FER: variants seen among roughly 807,000 people sequenced by gnomAD.
FER encodes the protein tyrosine-protein kinase Fer.
FER carries 63 observed loss-of-function variants against 111.0 expected under a neutral mutation model. That is an observed-to-expected ratio of 0.57 (90% CI 0.46 to 0.70). FER has a LOEUF of 0.70. Ranked by LOEUF, FER falls within the 30% of genes least tolerant of loss-of-function variation. The pLI, the probability that FER is intolerant of heterozygous loss-of-function variation, is 0.00. For synonymous variants in FER, 327 were observed against 313.9 expected (o/e 1.04, Z -0.44); for missense variants, 914 against 954.0 (o/e 0.96, Z 0.55).
Position 109,187,499 on chromosome 5 carries a change from A to T in FER, c.2393A>T (p.Asp798Val), listed in dbSNP as rs747711164. 10 of 1,614,072 alleles carry T rather than the reference A, an allele frequency of 6.2e-6. No individual in the cohort carries two copies. The highest frequency in any genetic ancestry group is 5.0e-5 in the Admixed American group (3 of 60,014). ...TCCAAAATCATGATGAAGTGTTGGG[A>T]TTATAAACCTGAAAATCGCCCTAAG... ...DISKIMMKCW[D>V]YKPENRPKFS... Residue 798 changes from aspartate to valine, a missense_variant, in exon 20 of 20, where the codon GAT (aspartate) becomes GTT (valine). Asp to Val is a radical substitution (Grantham distance 152). This residue lies in a region of FER where 134 missense variants were observed against 149.4 expected (regional missense o/e 0.90). Transcript: ENST00000281092.
intron 17 of FER, among the ~76,000 whole-genome samples, chr5:109,174,982 G>A (rs1402347171): frequency 1.3e-5 from 2 of 151,994 alleles, no homozygotes; most frequent in African/African-American, 4.8e-5. Context: ...ATCATCTATA[G>A]GAATGGAGAT....
intron 5 of FER, among the ~76,000 whole-genome samples, chr5:108,841,509 G>C (rs961801889): frequency 6.6e-6 from 1 of 152,192 alleles, no homozygotes; most frequent in African/African-American, 2.4e-5. Context: ...GAGACATCGA[G>C]AGGTTTGTTG....
At chr5:109,113,565 G>T (rs770648608) in intron 17 of FER, among the ~76,000 whole-genome samples, 9 of 152,236 alleles carry the variant, frequency 5.9e-5, no homozygotes, top group African/African-American at 9.6e-5. Flanking sequence ...TCAAGCTACT[G>T]AGTTCTTCTG....
intron 17 of FER, among the ~76,000 whole-genome samples, chr5:109,162,639 G>A (rs778472731): frequency 2.6e-5 from 4 of 151,942 alleles, no homozygotes; most frequent in African/African-American, 4.8e-5. Flanking sequence ...TTATTTTCTG[G>A]AGTTTAACTT....
At chr5:108,754,266 C>A (rs1750820471) in intron 1 of FER, among the ~76,000 whole-genome samples, 2 of 151,816 alleles carry the variant, frequency 1.3e-5, no homozygotes, top group South Asian at 4.2e-4. Flanking sequence ...AAAAAATTAG[C>A]CCGATATGAT....
intron 2 of FER, among the ~76,000 whole-genome samples, chr5:108,774,714 C>T (rs1753301285): frequency 1.3e-5 from 2 of 151,590 alleles, no homozygotes; most frequent in South Asian, 4.2e-4. Flanking sequence ...TGTGTCTGTT[C>T]ATATCCTTTG....
At chr5:108,807,483 C>G (rs1467724726) in intron 3 of FER, among the ~76,000 whole-genome samples, 1 of 152,074 alleles carries the variant, frequency 6.6e-6, no homozygotes, top group Non-Finnish European at 1.5e-5. Flanking sequence ...TTTGTGATTT[C>G]TTATTGTGCT....
intron 14 of FER, among the ~76,000 whole-genome samples, 177 bp from the exon 15 acceptor site, chr5:109,044,503 A>G (rs918425179): frequency 2.6e-5 from 4 of 152,100 alleles, no homozygotes; most frequent in Non-Finnish European, 4.4e-5. Flanking sequence ...TTATACCACA[A>G]TATGTCCTAG....
chr5:109,186,558 C>A (rs1379274104), intron 19 of FER, among the ~76,000 whole-genome samples: 2 of 152,146 alleles, frequency 1.3e-5, no homozygotes, highest in African/African-American at 4.8e-5. Flanking sequence ...CCCTGTCTGG[C>A]ATGACAGCTG....
At chr5:109,011,585 G>A (rs1311629005) in intron 13 of FER, among the ~76,000 whole-genome samples, 1 of 151,958 alleles carries the variant, frequency 6.6e-6, no homozygotes, top group Non-Finnish European at 1.5e-5. Context: ...ACCTCCCATG[G>A]TTATCCTTCT....
At chr5:108,936,107 A>G (rs1755436293) in intron 10 of FER, among the ~76,000 whole-genome samples, 1 of 152,064 alleles carries the variant, frequency 6.6e-6, no homozygotes, top group African/African-American at 2.4e-5. Context: ...ACGTTCAGCA[A>G]ATCACTTAGT....
At chr5:108,903,220 C>A (rs1209953753) in intron 10 of FER, among the ~76,000 whole-genome samples, 1 of 152,084 alleles carries the variant, frequency 6.6e-6, no homozygotes, top group Non-Finnish European at 1.5e-5. Flanking sequence ...TCTGAAATTG[C>A]ACATTTTGTT....
intron 10 of FER, among the ~76,000 whole-genome samples, chr5:108,936,735 C>A (rs1277064426): frequency 6.6e-6 from 1 of 151,844 alleles, no homozygotes; most frequent in Admixed American, 6.6e-5. Flanking sequence ...ATGTACTAGG[C>A]CTTTCTTGAA....
At chr5:108,963,099 T>C (rs1227497698) in intron 13 of FER, among the ~76,000 whole-genome samples, 1 of 152,054 alleles carries the variant, frequency 6.6e-6, no homozygotes, top group Non-Finnish European at 1.5e-5. Flanking sequence ...GGATTTGAGC[T>C]AAAATATAGG....
chr5:109,100,701 T>G (rs1269387637), intron 17 of FER, among the ~76,000 whole-genome samples, 182 bp downstream of exon 17: 1 of 151,872 alleles, frequency 6.6e-6, no homozygotes, highest in East Asian at 1.9e-4. Context: ...TCCTTTTTCC[T>G]CTTACTTGAA....
chr5:108,750,673 A>C (rs1320604520), intron 1 of FER, among the ~76,000 whole-genome samples: 3 of 152,246 alleles, frequency 2.0e-5, no homozygotes, highest in Non-Finnish European at 4.4e-5. Context: ...TTTGGTAGAC[A>C]AATCATTTAC....
intron 2 of FER, among the ~76,000 whole-genome samples, chr5:108,770,985 G>A (rs913698616): frequency 1.6e-4 from 24 of 151,618 alleles, no homozygotes; most frequent in African/African-American, 5.6e-4. Context: ...CACCCAGGCT[G>A]GAGTGCAGTG....
At chr5:108,897,481 T>A (rs537933582) in intron 9 of FER, among the ~76,000 whole-genome samples, 178 bp from the exon 10 acceptor site, 1 of 152,344 alleles carries the variant, frequency 6.6e-6, no homozygotes, top group South Asian at 2.1e-4. Flanking sequence ...TTATATTTTG[T>A]TAATGCTAGC....
chr5:109,051,145 C>T (rs1338722929), intron 16 of FER, among the ~76,000 whole-genome samples: 2 of 152,176 alleles, frequency 1.3e-5, no homozygotes, highest in African/African-American at 2.4e-5. Context: ...ACCCCATACA[C>T]CCCCAGTGAA....
Sources: allele counts gnomAD v4.1 joint callset (sites outside exome capture counted in the v4.1 genomes callset), GRCh38; gene constraint gnomAD v4.1.1; regional missense constraint gnomAD v4.1.1; transcripts MANE v1.5; gene names NCBI Gene and HGNC (gene_info 2026-07-23, HGNC 2026-07-21).